HMCN2: variants seen among roughly 807,000 people sequenced by gnomAD.
HMCN2 encodes hemicentin 2, also known as hemicentin-2.
In HMCN2, 325 loss-of-function variants were observed where a neutral mutation model predicts 377.5. The observed-to-expected ratio is 0.86, with a 90% CI of 0.79 to 0.94. The LOEUF (loss-of-function observed/expected upper bound fraction) is 0.94. Ranked by LOEUF, HMCN2 falls within the 40% of genes least tolerant of loss-of-function variation. The probability of loss-of-function intolerance (pLI) is 0.00; values close to 1 mark genes in which losing one functional copy is unlikely to be tolerated. For synonymous variants in HMCN2, 2,007 were observed against 2,046.8 expected, an observed-to-expected ratio of 0.98 and a Z score of 0.53; for missense variants, 4,543 against 4,725.3, an observed-to-expected ratio of 0.96 and a Z score of 1.13.
intron 73 of HMCN2, among the ~76,000 whole-genome samples, chr9:130,396,735 C>T (rs1034430264): frequency 6.6e-6 from 1 of 152,200 alleles, no homozygotes; most frequent in East Asian, 1.9e-4. Context: ...ATTCCCAGGG[C>T]ACAGAATGCC....
intron 15 of HMCN2, among the ~76,000 whole-genome samples, chr9:130,318,612 G>T (rs1024282337): frequency 6.6e-6 from 1 of 152,204 alleles, no homozygotes; most frequent in Admixed American, 6.5e-5. Flanking sequence ...AGGGAAGGGC[G>T]TGGGATTTGG....
chr9:130,430,719 T>A, intron 95 of HMCN2, 115 bp downstream of exon 95: 1 of 975,612 alleles, frequency 1.0e-6, no homozygotes, highest in Non-Finnish European at 1.5e-6. Context: ...TCCAGGCAAG[T>A]GGGGTGAGTG....
Position 130,368,431 on chromosome 9 carries a change from G to A in HMCN2, c.6781G>A (p.Val2261Met), listed in dbSNP as rs963314209. ...CAGCAGCCAGGACCTGCAGCTGGAG[G>A]TGCACGGTGGGTGAGCTGGGCGGGG... ...GNSSQDLQLEVHVPPQIAGPR... is the reference protein window; with the variant it reads ...GNSSQDLQLEMHVPPQIAGPR... Residue 2261 changes from valine to methionine, a missense_variant, in exon 44 of 98, where the codon GTG becomes ATG. Physicochemically the swap from Val to Met is conservative, Grantham distance 21 (BLOSUM62 1). This residue lies in a region of HMCN2 where 1,032 missense variants were observed against 1,285.1 expected (regional missense o/e 0.80). Transcript: ENST00000683500. The A allele has an allele frequency of 5.1e-6, 5 of 986,102 alleles. No homozygotes were observed. Among genetic ancestry groups the A allele is most frequent in the Admixed American group, 1.2e-4 (2 of 16,274 alleles). The allele number at this position is 986,102 out of a possible 1,614,324, so 61.1% of individuals were successfully genotyped here. A position where few individuals can be genotyped will look rare whatever the true frequency, so the allele number is the denominator to read the frequency against.
At chr9:130,353,462 G>A (rs1839842086) in intron 31 of HMCN2, among the ~76,000 whole-genome samples, 2 of 151,950 alleles carry the variant, frequency 1.3e-5, no homozygotes, top group African/African-American at 4.8e-5. Flanking sequence ...TAGAATCCAG[G>A]TCTCCCCTCA....
At chr9:130,281,102 G>GA (rs11410225) in intron 1 of HMCN2, among the ~76,000 whole-genome samples, 91,149 of 145,434 alleles carry the variant, frequency 0.63, 29,522 homozygotes, top group East Asian at 0.85. Flanking sequence ...GACTCTGTCT[G>GA]AAAAAAAAAA....
At chr9:130,329,298 T>A (rs1475630917) in intron 22 of HMCN2, among the ~76,000 whole-genome samples, 1 of 152,252 alleles carries the variant, frequency 6.6e-6, no homozygotes, top group African/African-American at 2.4e-5. Context: ...GGTTCATCCA[T>A]GTCGTAGCCA....
intron 84 of HMCN2, among the ~76,000 whole-genome samples, chr9:130,410,282 A>G (rs1036100393): frequency 6.6e-6 from 1 of 151,444 alleles, no homozygotes; most frequent in African/African-American, 2.4e-5. Context: ...AGTTTGGAAG[A>G]GGTGGATCTA....
rs1285676763 is a variant in HMCN2 at position 130,302,993 on chromosome 9, G to C, written c.1413G>C (p.Arg471Ser). The change falls in exon 9 of 98, where the codon AGG becomes AGC. Residue 471 changes from arginine to serine, a missense_variant. Around this residue, in one of 5 missense-constraint regions of HMCN2, gnomAD observed 547 missense variants for 189.9 expected, o/e 2.88. Coordinates refer to ENST00000683500, the MANE Select transcript of HMCN2 (RefSeq NM_001291815.2). ...GTGAAGCCAGGCTGGGCGAAGAGAG[G>C]CACTTTCAGTGAGTGGCCCACGGCA... ...RRGEARLGEERHFQESGNSSW... is the reference protein window; with the variant it reads ...RRGEARLGEESHFQESGNSSW... 1 of 469,462 alleles carries C rather than the reference G, an allele frequency of 2.1e-6. No homozygotes were observed. The highest frequency in any genetic ancestry group is 4.4e-6 in the Non-Finnish European group (1 of 226,356). The allele number at this position is 469,462 out of a possible 1,614,324, so 29.1% of individuals were successfully genotyped here.
At chr9:130,370,144 C>T (rs1840936489) in intron 45 of HMCN2, among the ~76,000 whole-genome samples, 1 of 152,158 alleles carries the variant, frequency 6.6e-6, no homozygotes, top group Non-Finnish European at 1.5e-5. Flanking sequence ...AGTAAGCAGT[C>T]CCTGTCCTGC....
In HMCN2 at chr9:130,428,569, G is replaced by A; in HGVS notation, c.14197+80G>A. 6.7e-7 allele frequency: 1 copy of A among 1,498,842 alleles called. No homozygotes were observed. Among genetic ancestry groups the A allele is most frequent in the Non-Finnish European group, 8.9e-7 (1 of 1,120,244 alleles). The allele number at this position is 1,498,842 out of a possible 1,614,324, so 92.8% of individuals were successfully genotyped here. A position where few individuals can be genotyped will look rare whatever the true frequency, so the allele number is the denominator to read the frequency against. ...CAGGGATCAGCTGACAGGGGGCTGT[G>A]TGTCACTGGGCTCTGGGCTTCCAGG... On this transcript the variant is annotated intron_variant, in intron 93 of 97. Transcript: ENST00000683500. This position sits in a 1 kb window ranked among gnomAD's most constrained non-coding sequence, Gnocchi z 5.0.
At chr9:130,322,624 C>T (rs1041355527) in intron 19 of HMCN2, among the ~76,000 whole-genome samples, 9 of 152,148 alleles carry the variant, frequency 5.9e-5, no homozygotes, top group Non-Finnish European at 1.0e-4. Context: ...CGGGTATGAA[C>T]AGCCTCGTAC....
At chr9:130,372,173 TG>T in intron 46 of HMCN2, 120 bp from the exon 47 acceptor site, 1 of 176,676 alleles carries the variant, frequency 5.7e-6, no homozygotes, top group Non-Finnish European at 1.1e-5. Flanking sequence ...CAGGACACAA[TG>T]GGAGACAGAC....
intron 4 of HMCN2, among the ~76,000 whole-genome samples, chr9:130,292,666 G>A (rs1237842703): frequency 6.6e-6 from 1 of 152,222 alleles, no homozygotes; most frequent in Non-Finnish European, 1.5e-5. Flanking sequence ...ATTGAGCACA[G>A]TTATTATTCT....
Position 130,362,329 on chromosome 9 carries a change from C to T in HMCN2, c.6108+164C>T, listed in dbSNP as rs73670537. On this transcript the variant is annotated intron_variant, in intron 39 of 97. Transcript: ENST00000683500. ...GAACAGAGAGGCTGGAGCCACACTGCCCAATGGTAACGATACATTCCATGA... is the reference window on the plus strand; with the variant it reads ...GAACAGAGAGGCTGGAGCCACACTGTCCAATGGTAACGATACATTCCATGA... Among the ~76,000 whole-genome samples the T allele has an allele frequency of 1.1e-3, 172 of 152,288 alleles. 1 individual carries two copies. Among genetic ancestry groups the T allele is most frequent in the African/African-American group, 3.9e-3 (163 of 41,548 alleles).
At position 130,308,435 on chromosome 9, in the gene HMCN2, C is replaced by T. The variant is rs1554937665; in HGVS notation, c.2200+869C>T. 1.3e-5 allele frequency among the ~76,000 whole-genome samples: 2 copies of T among 152,162 alleles called. No individual in the cohort carries two copies. Among genetic ancestry groups the T allele is most frequent in the Non-Finnish European group, 2.9e-5 (2 of 68,034 alleles). On this transcript the variant is annotated intron_variant, in intron 14 of 97. Coordinates refer to ENST00000683500, the MANE Select transcript of HMCN2 (RefSeq NM_001291815.2). The surrounding 1 kb of genome is among the most constrained non-coding windows in gnomAD (Gnocchi z 4.1). ...TGCCTGCTGCCAGGCTGGAGTTTGA[C>T]GGACGGGTGCTGGGGTCGCACTAGG... is the stretch of plus-strand genomic sequence containing the variant.
chr9:130,432,572 C>G lies in HMCN2; in HGVS notation c.14894+17C>G. ...CAGCCCTGGGTAAGGGCTGAGTTGG[C>G]AGGGCCTCGTGCCCTCAGGAAAAGC... On this transcript the variant is annotated intron_variant, in intron 97 of 97. Coordinates refer to ENST00000683500, the MANE Select transcript of HMCN2 (RefSeq NM_001291815.2). The G allele has an allele frequency of 6.5e-7, 1 of 1,548,118 alleles. No individual in the cohort carries two copies. The highest frequency in any genetic ancestry group is 8.7e-7 in the Non-Finnish European group (1 of 1,145,352).
intron 22 of HMCN2, among the ~76,000 whole-genome samples, chr9:130,331,183 C>A (rs1372442813): frequency 1.3e-5 from 2 of 148,998 alleles, no homozygotes; most frequent in Non-Finnish European, 3.0e-5. Flanking sequence ...GACAAAGTAA[C>A]ATTCCAGGGC....
rs1430759731 is a variant in HMCN2, at chr9:130,359,284, C to A, written c.5678-35C>A. On this transcript the variant is annotated intron_variant, in intron 36 of 97. Transcript: ENST00000683500. ...GGATTAGAGCTGCCCAGAGCTTGCA[C>A]CTACCAAGCTGGGTCTCTCCTTGTC... The A allele has an allele frequency of 5.1e-6, 6 of 1,177,804 alleles. No individual in the cohort carries two copies. In the Admixed American group the frequency reaches 1.4e-4, roughly 27 times the overall value. The allele number at this position is 1,177,804 out of a possible 1,614,324, so 73.0% of individuals were successfully genotyped here. A position where few individuals can be genotyped will look rare whatever the true frequency, so the allele number is the denominator to read the frequency against.
At position 130,371,107 on chromosome 9, in the gene HMCN2, G is replaced by C. The variant is rs932977450; in HGVS notation, c.7213G>C (p.Gly2405Arg). ...CCGAGGGGAGGAGCCTGTCAGCCCC[G>C]GGGAGGACACCTACCTGCTGGCAGG... The part of the protein sequence containing the change: ...WFRGEEPVSP[G>R]EDTYLLAGGW... The change falls in exon 46 of 98, where the codon GGG becomes CGG. Residue 2405 changes from glycine (G) to arginine (R), a missense_variant. This residue lies in a region of HMCN2 where 1,032 missense variants were observed against 1,285.1 expected (regional missense o/e 0.80). Transcript: ENST00000683500. 148 of 985,836 alleles carry C rather than the reference G, an allele frequency of 1.5e-4. No individual in the cohort carries two copies. Among genetic ancestry groups the C allele is most frequent in the Non-Finnish European group, 1.7e-4 (141 of 830,038 alleles). The allele number at this position is 985,836 out of a possible 1,614,324, so 61.1% of individuals were successfully genotyped here.
Sources: gnomAD v4.1 joint callset for allele counts (sites outside exome capture counted in the v4.1 genomes callset) on GRCh38, gnomAD v4.1.1 for gene constraint, gnomAD v4.1.1 regional missense constraint, Gnocchi (gnomAD v3.1) non-coding constraint, MANE v1.5 for transcripts, NCBI Gene and HGNC (gene_info 2026-07-23, HGNC 2026-07-21) for gene names.